Variants in CCDC122 observed in about 807,000 individuals in gnomAD.
CCDC122 encodes the protein coiled-coil domain containing 122, also known as coiled-coil domain-containing protein 122.
CCDC122 carries 38 observed loss-of-function variants against 37.0 expected under a neutral mutation model. The ratio of observed to expected loss-of-function variants is 1.03; its 90% CI spans 0.79 to 1.35. CCDC122 has a LOEUF of 1.35. CCDC122 is among the 40% of genes most tolerant of loss of function. The pLI is 0.00. For synonymous variants in CCDC122, 83 were observed against 95.6 expected (o/e 0.87, Z 0.77); for missense variants, 305 against 310.0 (o/e 0.98, Z 0.12).
chr13:43,845,505 G>A (rs1262397871), intron 6 of CCDC122, among the ~76,000 whole-genome samples: 1 of 152,222 alleles, frequency 6.6e-6, no homozygotes, highest in African/African-American at 2.4e-5. Flanking sequence ...GAAGTCAGGA[G>A]TACAAGACCA....
At chr13:43,875,524 G>A (rs1382504304) in intron 1 of CCDC122, among the ~76,000 whole-genome samples, 1 of 152,160 alleles carries the variant, frequency 6.6e-6, no homozygotes, top group Non-Finnish European at 1.5e-5. Flanking sequence ...TGTAAAAACA[G>A]AACTCTGACC....
At chr13:43,842,089 T>C (rs1055088153) in intron 6 of CCDC122, among the ~76,000 whole-genome samples, 4 of 152,074 alleles carry the variant, frequency 2.6e-5, no homozygotes, top group African/African-American at 9.7e-5. Flanking sequence ...TTCACTATGG[T>C]TAGCAAAGTT....
At chr13:43,849,037 T>C (rs1953638624) in intron 6 of CCDC122, 2 of 948,242 alleles carry the variant, frequency 2.1e-6, no homozygotes, top group Non-Finnish European at 2.5e-6. Context: ...AAATGTAACG[T>C]TTTAAGAAAA....
chr13:43,869,389 T>G lies in CCDC122; in HGVS notation c.-13A>C. On this transcript the variant is annotated 5_prime_UTR_variant, in exon 3 of 7. Coordinates refer to ENST00000444614, the MANE Select transcript of CCDC122 (RefSeq NM_144974.5). ...TGTTGTCTGACATTTTCTGTGTCTG[T>G]AATCTCTTTTCCCCTTTTTGATTTA... 6.2e-7 allele frequency: 1 copy of G among 1,603,212 alleles called. No individual in the cohort carries two copies. Among genetic ancestry groups the G allele is most frequent in the East Asian group, 2.2e-5 (1 of 44,622 alleles).
chr13:43,833,172 A>G (rs1400580155), downstream of CCDC122, among the ~76,000 whole-genome samples: 1 of 152,220 alleles, frequency 6.6e-6, no homozygotes, highest in East Asian at 1.9e-4. Context: ...ACATTGGTCA[A>G]CTATAATTTG....
chr13:43,826,124 T>A (rs1953038446), intron 3 of CCDC122, among the ~76,000 whole-genome samples: 1 of 152,194 alleles, frequency 6.6e-6, no homozygotes, highest in African/African-American at 2.4e-5. Context: ...TTTCGATGAA[T>A]TTATACTCTT....
intron 4 of CCDC122, among the ~76,000 whole-genome samples, chr13:43,867,369 G>A (rs1954307127): frequency 6.6e-6 from 1 of 152,204 alleles, no homozygotes; most frequent in African/African-American, 2.4e-5. Context: ...CTCTGCAAAT[G>A]TCCTCTGTGA....
chr13:43,859,010 T>A (rs1426716461), intron 5 of CCDC122, 113 bp from the exon 6 acceptor site: 6 of 830,036 alleles, frequency 7.2e-6, no homozygotes, highest in Non-Finnish European at 1.0e-5. Context: ...AATTTAGTTT[T>A]GATAAATAGC....
chr13:43,839,348 T>A (rs1953269677), intron 6 of CCDC122, among the ~76,000 whole-genome samples: 1 of 152,216 alleles, frequency 6.6e-6, no homozygotes, highest in Admixed American at 6.5e-5. Context: ...GTACAATAGG[T>A]GGTCTTTTGT....
downstream of CCDC122, among the ~76,000 whole-genome samples, chr13:43,831,591 AT>A (rs1953090269): frequency 1.3e-5 from 2 of 152,222 alleles, no homozygotes; most frequent in African/African-American, 4.8e-5. Context: ...ATGTTTAAAA[AT>A]TCATCTTAGA....
intron 4 of CCDC122, among the ~76,000 whole-genome samples, chr13:43,867,174 C>A (rs2153877941): frequency 6.6e-6 from 1 of 152,108 alleles, no homozygotes; most frequent in Middle Eastern, 3.4e-3. Flanking sequence ...ATCTAGAATT[C>A]TTTCTAAAAT....
intron 6 of CCDC122, among the ~76,000 whole-genome samples, chr13:43,838,664 AG>A (rs1175742391): frequency 6.6e-5 from 10 of 152,294 alleles, no homozygotes; most frequent in Middle Eastern, 3.4e-3. Context: ...TTCCCAAACA[AG>A]GCTTTTATTG....
Position 43,858,775 on chromosome 13 carries a change from A to G in CCDC122, c.672+6T>C. ...AAACATTGAAATCTAGATAATTAAG[A>G]CTTACCTCTATTTCTTTTCTTAATT... On this transcript the variant is annotated splice_donor_region_variant and intron_variant, in intron 6 of 6. Coordinates refer to ENST00000444614, the MANE Select transcript of CCDC122 (RefSeq NM_144974.5). The G allele has an allele frequency of 7.1e-7, 1 of 1,399,866 alleles. No homozygotes were observed. The highest frequency in any genetic ancestry group is 9.6e-7 in the Non-Finnish European group (1 of 1,042,222). 86.7% of individuals were successfully genotyped at this position (1,399,866 alleles called of 1,614,324 possible). A position where few individuals can be genotyped will look rare whatever the true frequency, so the allele number is the denominator to read the frequency against.
intron 2 of CCDC122, among the ~76,000 whole-genome samples, chr13:43,870,724 G>A (rs1344232515): frequency 6.6e-6 from 1 of 152,054 alleles, no homozygotes; most frequent in African/African-American, 2.4e-5. Context: ...AAAAAGTACA[G>A]GGAGGTACAC....
At chr13:43,849,838 AGGAGCCAGGAGTTTTAACTGT>A (rs933731337) in intron 6 of CCDC122, among the ~76,000 whole-genome samples, 4 of 152,174 alleles carry the variant, frequency 2.6e-5, no homozygotes, top group Admixed American at 1.3e-4. Context: ...AAGCTAACTA[AGGAGCCAGGAGTTTTAACTGT>A]GGAGCCAGGA....
chr13:43,826,796 T>C (rs754657351), intron 3 of CCDC122, among the ~76,000 whole-genome samples: 8 of 152,208 alleles, frequency 5.3e-5, no homozygotes, highest in Non-Finnish European at 7.4e-5. Context: ...GCTTTAGGTG[T>C]AATAGGAAAG....
intron 3 of CCDC122, among the ~76,000 whole-genome samples, chr13:43,827,589 T>C (rs530424862): frequency 6.6e-6 from 1 of 152,224 alleles, no homozygotes; most frequent in East Asian, 1.9e-4. Flanking sequence ...CTTGCGTGGG[T>C]CCACTTATAC....
At chr13:43,825,382 G>T (rs1953029887) in intron 3 of CCDC122, among the ~76,000 whole-genome samples, 2 of 152,134 alleles carry the variant, frequency 1.3e-5, no homozygotes, top group African/African-American at 4.8e-5. Context: ...ATAGTACAGG[G>T]GACTCTAAAA....
Position 43,869,464 on chromosome 13 carries a change from T to C in CCDC122, c.-88A>G, listed in dbSNP as rs1023512309. The C allele has an allele frequency of 1.3e-4, 137 of 1,095,938 alleles. No individual in the cohort carries two copies. The highest frequency in any genetic ancestry group is 1.7e-5 in the Non-Finnish European group (13 of 751,802). 67.9% of individuals were successfully genotyped at this position (1,095,938 alleles called of 1,614,324 possible). ...CTATATTGATAATCTTTCACTTTTG[T>C]TTTTTCCTGTTGTATATTGGTGATC... On this transcript the variant is annotated 5_prime_UTR_variant, in exon 3 of 7. Coordinates refer to ENST00000444614, the MANE Select transcript of CCDC122 (RefSeq NM_144974.5).
Sources: gnomAD v4.1 joint callset for allele counts (sites outside exome capture counted in the v4.1 genomes callset) on GRCh38, gnomAD v4.1.1 for gene constraint, MANE v1.5 for transcripts, NCBI Gene and HGNC (gene_info 2026-07-23, HGNC 2026-07-21) for gene names.